STAT5A: variants seen among roughly 807,000 people sequenced by gnomAD.
STAT5A encodes signal transducer and activator of transcription 5A.
A neutral mutation model predicts 100.2 loss-of-function variants in STAT5A; 26 were observed. That is an observed-to-expected ratio of 0.26 (90% CI 0.19 to 0.36). The LOEUF (loss-of-function observed/expected upper bound fraction) is 0.36, where lower values mean the gene tolerates loss of function less well. STAT5A is among the 10% of genes least tolerant of loss of function. The pLI, the probability that STAT5A is intolerant of heterozygous loss-of-function variation, is 1.00. For synonymous variants in STAT5A, 330 were observed against 424.3 expected (o/e 0.78, Z 2.73); for missense variants, 634 against 1,027.5 (o/e 0.62, Z 5.24).
intron 12 of STAT5A, 70 bp downstream of exon 12, chr17:42,305,772 C>T (rs1262835282): frequency 6.6e-7 from 1 of 1,512,710 alleles, no homozygotes; most frequent in African/African-American, 1.4e-5. Flanking sequence ...AGCCCCACCC[C>T]TTGGGCCCCT....
Position 42,304,106 on chromosome 17 carries a change from G to A in STAT5A, c.1170-236G>A, listed in dbSNP as rs2081005908. 1 of 539,348 alleles carries A rather than the reference G, an allele frequency of 1.9e-6. No homozygotes were observed. Among genetic ancestry groups the A allele is most frequent in the Non-Finnish European group, 3.3e-6 (1 of 300,494 alleles). The allele number at this position is 539,348 out of a possible 1,614,324, so 33.4% of individuals were successfully genotyped here. The stretch of plus-strand genomic sequence containing the variant: ...GCCCTCACATCAATCTTGGTATCGA[G>A]GAATTTCTAATGATAGATCCAGACC... On this transcript the variant is annotated intron_variant, in intron 9 of 18. Coordinates refer to ENST00000590949, the MANE Select transcript of STAT5A (RefSeq NM_001288718.2). The surrounding 1 kb of genome is among the most constrained non-coding windows in gnomAD (Gnocchi z 4.8).
Position 42,300,165 on chromosome 17 carries a change from G to A in STAT5A, c.717G>A (p.Leu239=). ...LAEKHQKTLQ[L]LRKQQTIILD... ...AGAAGCACCAGAAGACCCTGCAGCT[G>A]CTGCGGAAGCAGCAGACCATCATCC... Residue 239 remains leucine (L), a synonymous_variant, in exon 7 of 19, where the codon CTG becomes CTA. Coordinates refer to ENST00000590949, the MANE Select transcript of STAT5A (RefSeq NM_001288718.2). The A allele has an allele frequency of 6.7e-7, 1 of 1,489,192 alleles. No individual in the cohort carries two copies. The highest frequency in any genetic ancestry group is 1.2e-5 in the South Asian group (1 of 81,502). The allele number at this position is 1,489,192 out of a possible 1,614,324, so 92.2% of individuals were successfully genotyped here.
At position 42,288,989 on chromosome 17, in the gene STAT5A, T is replaced by A. The variant is rs1267570766; in HGVS notation, c.-11+391T>A. Among the ~76,000 whole-genome samples, 1 of 152,222 alleles carries A rather than the reference T, an allele frequency of 6.6e-6. No homozygotes were observed. Among genetic ancestry groups the A allele is most frequent in the Admixed American group, 6.5e-5 (1 of 15,288 alleles). ...AGTGGGAGCCGTCGTGGCGCTGGCCTAACTTCGGGTTGGAATATCTCCCCT... is the reference window on the plus strand; with the variant it reads ...AGTGGGAGCCGTCGTGGCGCTGGCCAAACTTCGGGTTGGAATATCTCCCCT... On this transcript the variant is annotated intron_variant, in intron 1 of 18. Coordinates refer to ENST00000590949, the MANE Select transcript of STAT5A (RefSeq NM_001288718.2). The surrounding 1 kb of genome is among the most constrained non-coding windows in gnomAD (Gnocchi z 4.8).
intron 13 of STAT5A, among the ~76,000 whole-genome samples, chr17:42,307,077 G>T (rs2081036287): frequency 6.6e-6 from 1 of 152,062 alleles, no homozygotes; most frequent in Admixed American, 6.6e-5. Flanking sequence ...TCCATTCTCT[G>T]TGCCTCAGTT....
intron 9 of STAT5A, among the ~76,000 whole-genome samples, chr17:42,301,977 A>G (rs998761841): frequency 1.3e-5 from 2 of 152,110 alleles, no homozygotes; most frequent in Non-Finnish European, 2.9e-5. Context: ...GAGTTGGACA[A>G]TATAGGGAGA....
intron 12 of STAT5A, 100 bp downstream of exon 12, chr17:42,305,802 C>T: frequency 1.6e-6 from 2 of 1,274,206 alleles, no homozygotes; most frequent in South Asian, 2.6e-5. Flanking sequence ...TCCTTCCTCA[C>T]CCCAGGGCCA....
intron 2 of STAT5A, 133 bp downstream of exon 2, chr17:42,289,672 C>T (rs887099990): frequency 1.6e-5 from 23 of 1,435,796 alleles, no homozygotes; most frequent in Non-Finnish European, 2.1e-5. Context: ...GGGTGGTGCC[C>T]CTGGGAAAGG....
At chr17:42,297,082 C>T (rs1405972979) in intron 5 of STAT5A, among the ~76,000 whole-genome samples, 3 of 152,176 alleles carry the variant, frequency 2.0e-5, no homozygotes, top group African/African-American at 7.2e-5. Flanking sequence ...AGACATGCAC[C>T]ACCATGCCTG....
At chr17:42,298,879 C>T (rs2080946968) in intron 5 of STAT5A, among the ~76,000 whole-genome samples, 2 of 152,132 alleles carry the variant, frequency 1.3e-5, no homozygotes, top group Non-Finnish European at 2.9e-5. Context: ...GGAGGGAAGC[C>T]GCCTCCCTTC....
chr17:42,289,453 G>A lies in STAT5A; in HGVS notation c.42G>A (p.Ala14=). The change falls in exon 2 of 19, where the codon GCG becomes GCA. Residue 14 remains alanine, a synonymous_variant. Coordinates refer to ENST00000590949, the MANE Select transcript of STAT5A (RefSeq NM_001288718.2). The part of the protein sequence containing the change: ...WIQAQQLQGD[A]LRQMQVLYGQ... ...AGGCCCAGCAGCTGCAGGGAGACGC[G>A]CTGCGCCAGATGCAGGTGCTGTACG... The A allele has an allele frequency of 2.5e-6, 4 of 1,612,918 alleles. No homozygotes were observed. Among genetic ancestry groups the A allele is most frequent in the Non-Finnish European group, 3.4e-6 (4 of 1,179,864 alleles).
chr17:42,289,132 A>C (rs1322525863), intron 1 of STAT5A: 2 of 346,440 alleles, frequency 5.8e-6, no homozygotes, highest in Non-Finnish European at 5.2e-6. Flanking sequence ...TCACTAGGGA[A>C]GCTCCGGTGG....
At position 42,307,699 on chromosome 17, in the gene STAT5A, A is replaced by T; in HGVS notation, c.1882A>T (p.Thr628Ser). The change falls in exon 15 of 19, where the codon ACC (threonine) becomes TCC (serine). Residue 628 changes from threonine to serine, a missense_variant. Thr to Ser is a moderately conservative substitution (Grantham distance 58, BLOSUM62 1). Transcript: ENST00000590949. ...RFSDSEIGGITIAWKFDSPER... is the reference protein window; with the variant it reads ...RFSDSEIGGISIAWKFDSPER... ...TAGTGACTCAGAAATCGGGGGCATC[A>T]CCATCGCCTGGAAGTTTGACTCCCG... 6.2e-7 allele frequency: 1 copy of T among 1,613,970 alleles called. No individual in the cohort carries two copies. The highest frequency in any genetic ancestry group is 8.5e-7 in the Non-Finnish European group (1 of 1,179,970).
At chr17:42,309,600 G>A (rs2081061416) in intron 18 of STAT5A, 116 bp downstream of exon 18, 7 of 1,035,462 alleles carry the variant, frequency 6.8e-6, no homozygotes, top group Non-Finnish European at 9.9e-6. Context: ...CCAAGTCCAG[G>A]AGGAGTGAGA....
At chr17:42,299,392 A>G (rs2080952315) in intron 5 of STAT5A, among the ~76,000 whole-genome samples, 1 of 152,214 alleles carries the variant, frequency 6.6e-6, no homozygotes, top group Non-Finnish European at 1.5e-5. Flanking sequence ...CCTGCAGTCA[A>G]GGGCATGGGC....
chr17:42,297,009 C>T (rs893192004), intron 5 of STAT5A, among the ~76,000 whole-genome samples: 1 of 152,182 alleles, frequency 6.6e-6, no homozygotes, highest in East Asian at 1.9e-4. Context: ...CATCTCACTG[C>T]GACCTCTGCC....
In STAT5A at chr17:42,304,492, G is replaced by A. The variant is rs373320375; in HGVS notation, c.1258-38G>A. On this transcript the variant is annotated intron_variant, in intron 10 of 18. Transcript: ENST00000590949. This position sits in a 1 kb window ranked among gnomAD's most constrained non-coding sequence, Gnocchi z 4.8. ...CAGAGCTGAGTCCTTGTAAGCAGCC[G>A]CCATCTCCCTGTTCCCCTGTCACCT... 22 of 1,613,976 alleles carry A rather than the reference G, an allele frequency of 1.4e-5. No individual in the cohort carries two copies. Among genetic ancestry groups the A allele is most frequent in the African/African-American group, 1.3e-4 (10 of 74,934 alleles).
intron 4 of STAT5A, among the ~76,000 whole-genome samples, chr17:42,293,934 G>A (rs1180366896): frequency 6.6e-6 from 1 of 152,158 alleles, no homozygotes; most frequent in Non-Finnish European, 1.5e-5. Context: ...GATAGAGAGG[G>A]CCAGGCGTGG....
Position 42,310,676 on chromosome 17 carries a change from G to A in STAT5A, c.*7G>A, listed in dbSNP as rs1333460876. 1 of 1,614,034 alleles carries A rather than the reference G, an allele frequency of 6.2e-7. No individual in the cohort carries two copies. The highest frequency in any genetic ancestry group is 1.7e-5 in the Admixed American group (1 of 60,018). On this transcript the variant is annotated 3_prime_UTR_variant, in exon 19 of 19. Transcript: ENST00000590949. Reference sequence around the variant, plus strand: ...CAGAGGCTCCCTCTCATGAATGTTTGAATCCCACGCTTCTCTTTGGAAACA... The same window carrying A: ...CAGAGGCTCCCTCTCATGAATGTTTAAATCCCACGCTTCTCTTTGGAAACA...
At chr17:42,303,954 T>C (rs1210888197) in intron 9 of STAT5A, among the ~76,000 whole-genome samples, 1 of 152,006 alleles carries the variant, frequency 6.6e-6, no homozygotes, top group African/African-American at 2.4e-5. Context: ...GGCTTGCATG[T>C]CCTGAGTGAG....
Sources: gnomAD v4.1 joint callset for allele counts (sites outside exome capture counted in the v4.1 genomes callset) on GRCh38, gnomAD v4.1.1 for gene constraint, Gnocchi (gnomAD v3.1) non-coding constraint, MANE v1.5 for transcripts, NCBI Gene and HGNC (gene_info 2026-07-23, HGNC 2026-07-21) for gene names.